CCM2: variants seen among roughly 807,000 people sequenced by gnomAD.
CCM2 encodes the protein CCM2 scaffold protein.
In CCM2, 25 loss-of-function variants were observed where a neutral mutation model predicts 44.9. That is an observed-to-expected ratio of 0.56 (90% CI 0.41 to 0.78). The LOEUF is 0.78. CCM2 is among the 30% of genes least tolerant of loss of function. The pLI is 0.00. For missense variants in CCM2, 481 were observed against 580.6 expected (o/e 0.83, Z 1.76); for synonymous variants, 219 against 241.1 (o/e 0.91, Z 0.85).
At chr7:45,028,020 C>G (rs923560887) in intron 1 of CCM2, among the ~76,000 whole-genome samples, 2 of 152,146 alleles carry the variant, frequency 1.3e-5, no homozygotes, top group African/African-American at 4.8e-5. Flanking sequence ...AAGTGCCGTT[C>G]CACCCAGGTG....
intron 1 of CCM2, among the ~76,000 whole-genome samples, chr7:45,005,490 G>T (rs1272596219): frequency 6.6e-6 from 1 of 152,248 alleles, no homozygotes; most frequent in Non-Finnish European, 1.5e-5. Context: ...CCCCACTGGG[G>T]CGCTTACTCT....
intron 1 of CCM2, among the ~76,000 whole-genome samples, chr7:45,037,031 C>T (rs577162261): frequency 3.3e-5 from 5 of 151,982 alleles, no homozygotes; most frequent in Admixed American, 2.0e-4. Flanking sequence ...TGCAGGCCTG[C>T]GTGATGTTTC....
chr7:45,073,052 T>A (rs1180379766), intron 7 of CCM2: 2 of 611,502 alleles, frequency 3.3e-6, no homozygotes, highest in Non-Finnish European at 5.9e-6. Flanking sequence ...GCATGTTGGA[T>A]GGAGCTGTTC....
At chr7:45,036,835 G>T (rs979501732) in intron 1 of CCM2, among the ~76,000 whole-genome samples, 1 of 152,120 alleles carries the variant, frequency 6.6e-6, no homozygotes, top group African/African-American at 2.4e-5. Context: ...TCTGTGTTTG[G>T]TGATAAGGGG....
intron 1 of CCM2, among the ~76,000 whole-genome samples, chr7:45,035,045 G>A (rs1267944985): frequency 2.0e-5 from 3 of 151,936 alleles, no homozygotes; most frequent in Admixed American, 1.3e-4. Context: ...CCAGGTTGCC[G>A]GGCTGGTCTT....
chr7:45,074,315 C>T lies in CCM2; in HGVS notation c.961C>T (p.Leu321=), dbSNP rs754986248. Residue 321 remains leucine, a synonymous_variant, in exon 9 of 10, where the codon CTG becomes TTG. Transcript: ENST00000258781. ...SSQEIQQFAA[L]LHEYRNGASI... ...ACAGGAGATCCAGCAGTTTGCAGCA[C>T]TGCTGCACGAGTACCGCAATGGGGC... 23 of 1,613,670 alleles carry T rather than the reference C, an allele frequency of 1.4e-5. No individual in the cohort carries two copies. In the Admixed American group the frequency reaches 3.8e-4, roughly 27 times the overall value.
intron 1 of CCM2, among the ~76,000 whole-genome samples, chr7:45,031,977 G>A (rs1796990986): frequency 6.6e-6 from 1 of 152,032 alleles, no homozygotes; most frequent in African/African-American, 2.4e-5. Flanking sequence ...CCCCAGCACC[G>A]GCTGTCCCTC....
At chr7:45,016,593 G>T (rs1329875702) in intron 1 of CCM2, among the ~76,000 whole-genome samples, 1 of 151,022 alleles carries the variant, frequency 6.6e-6, no homozygotes, top group East Asian at 1.9e-4. Flanking sequence ...GCCTCCCAAA[G>T]TGCTGGATTA....
chr7:45,010,200 T>C (rs1220012481), intron 1 of CCM2, among the ~76,000 whole-genome samples: 1 of 152,186 alleles, frequency 6.6e-6, no homozygotes, highest in Non-Finnish European at 1.5e-5. Context: ...CGTGAGCCAC[T>C]GCTCCTGGCC....
chr7:45,038,446 A>G lies in CCM2; in HGVS notation c.204+20A>G. ...GTAAAGGTAAGTCGTCATGGGCCAC[A>G]GGACGTGCCTGCCAAACGACAGTGA... On this transcript the variant is annotated intron_variant, in intron 2 of 9. Coordinates refer to ENST00000258781, the MANE Select transcript of CCM2 (RefSeq NM_031443.4). The G allele has an allele frequency of 1.9e-6, 3 of 1,613,290 alleles. No individual in the cohort carries two copies. The highest frequency in any genetic ancestry group is 1.7e-6 in the Non-Finnish European group (2 of 1,179,776).
rs751071658 is a variant in CCM2, at chr7:45,038,436, C to CA, written c.204+11dup. On this transcript the variant is annotated intron_variant, in intron 2 of 9. Coordinates refer to ENST00000258781, the MANE Select transcript of CCM2 (RefSeq NM_031443.4). ...TGAGAAGGAGGTAAAGGTAAGTCGT[C>CA]ATGGGCCACAGGACGTGCCTGCCAA... 36 of 1,613,720 alleles carry CA rather than the reference C, an allele frequency of 2.2e-5. No homozygotes were observed. The African/African-American group carries it at 2.5e-4, about 11-fold the overall frequency.
At chr7:45,060,129 C>A (rs1374568995) in intron 2 of CCM2, among the ~76,000 whole-genome samples, 1 of 152,164 alleles carries the variant, frequency 6.6e-6, no homozygotes, top group Non-Finnish European at 1.5e-5. Context: ...GTTCTTTTAA[C>A]TTTTCTTGAA....
chr7:45,059,461 C>T (rs2128744839), intron 2 of CCM2, among the ~76,000 whole-genome samples: 1 of 150,848 alleles, frequency 6.6e-6, no homozygotes, highest in African/African-American at 2.4e-5. Context: ...ACAAAAAATA[C>T]AGGCTGGGTG....
At chr7:45,054,402 T>G (rs140314115) in intron 2 of CCM2, among the ~76,000 whole-genome samples, 29 of 152,246 alleles carry the variant, frequency 1.9e-4, no homozygotes, top group African/African-American at 6.7e-4. Context: ...TCCTTCCCTG[T>G]TAGGGCCCAG....
intron 2 of CCM2, among the ~76,000 whole-genome samples, chr7:45,049,380 GCTT>G (rs1269160495): frequency 5.3e-5 from 8 of 152,212 alleles, no homozygotes; most frequent in Non-Finnish European, 1.2e-4. Flanking sequence ...GCTGACACCA[GCTT>G]CTTGTGTCTT....
intron 1 of CCM2, among the ~76,000 whole-genome samples, chr7:45,008,224 G>A (rs953674003): frequency 1.3e-5 from 2 of 151,998 alleles, no homozygotes; most frequent in Non-Finnish European, 2.9e-5. Context: ...ATTTTTGGTA[G>A]AGATGGGGTT....
At chr7:45,001,631 C>T (rs917344544) in intron 1 of CCM2, among the ~76,000 whole-genome samples, 1 of 152,210 alleles carries the variant, frequency 6.6e-6, no homozygotes, top group Non-Finnish European at 1.5e-5. Context: ...CTGATGACCT[C>T]ATTGTGCACC....
chr7:45,068,065 A>G (rs1798869632), intron 4 of CCM2: 1 of 356,612 alleles, frequency 2.8e-6, no homozygotes, highest in Non-Finnish European at 5.5e-6. Flanking sequence ...ACACGCCCTC[A>G]GGCCAGGCCT....
At chr7:45,045,844 C>CAATG (rs1394183479) in intron 2 of CCM2, among the ~76,000 whole-genome samples, 1 of 152,076 alleles carries the variant, frequency 6.6e-6, no homozygotes, top group African/African-American at 2.4e-5. Context: ...TGTTTTTGAA[C>CAATG]AATGAATATG....
Sources: allele counts gnomAD v4.1 joint callset (sites outside exome capture counted in the v4.1 genomes callset), GRCh38; gene constraint gnomAD v4.1.1; transcripts MANE v1.5; gene names NCBI Gene and HGNC (gene_info 2026-07-23, HGNC 2026-07-21).